SPATA7: variants seen among roughly 807,000 people sequenced by gnomAD.
The protein encoded by SPATA7 is spermatogenesis associated 7.
In SPATA7, 43 loss-of-function variants were observed where a neutral mutation model predicts 51.8. The observed-to-expected ratio is 0.83, with a 90% confidence interval of 0.65 to 1.07. The LOEUF is 1.07. Ranked by LOEUF, SPATA7 falls within the 50% of genes least tolerant of loss-of-function variation. SPATA7 has a pLI of 0.00. For missense variants in SPATA7, 683 were observed against 701.3 expected (o/e 0.97, Z 0.30); for synonymous variants, 230 against 252.8 (o/e 0.91, Z 0.86).
At chr14:88,468,331 C>T in intron 4 of SPATA7, 1 of 1,445,054 alleles carries the variant, frequency 6.9e-7, no homozygotes, top group Non-Finnish European at 9.3e-7. Context: ...GATGGGAGGA[C>T]ACGAGTGTCC....
rs910123180 is a variant in SPATA7, at chr14:88,416,724, A to G, written c.252A>G (p.Gln84=). The change falls in exon 5 of 12, where the codon CAA becomes CAG. Residue 84 remains glutamine (Q), a synonymous_variant. Transcript: ENST00000393545. ...TTTCCCTTTTAGATGCAGACCAACA[A>G]CGAAGAGAGAAACTCAAAAAGGAAT... The part of the protein sequence containing the change: ...VSTSIKYADQ[Q]RREKLKKELA... 2 of 1,613,326 alleles carry G rather than the reference A, an allele frequency of 1.2e-6. No homozygotes were observed. Among genetic ancestry groups the G allele is most frequent in the East Asian group, 2.2e-5 (1 of 44,768 alleles).
At chr14:88,433,075 T>C in intron 9 of SPATA7, 60 bp from the exon 10 acceptor site, 1 of 1,315,800 alleles carries the variant, frequency 7.6e-7, no homozygotes, top group Non-Finnish European at 1.1e-6. Context: ...TAATGTTTCT[T>C]ACAGTTTTCA....
rs776178227 is a variant in SPATA7, at chr14:88,437,874, G to A, written c.1252G>A (p.Asp418Asn). ...MRHLLHVLKV[D>N]LGCTSEENSV... ...CCACCTGCTGCATGTCCTGAAAGTA[G>A]ACTTAGGCTGCACATCGGAGGAAAA... Residue 418 changes from aspartate to asparagine, a missense_variant, in exon 12 of 12, where the codon GAC becomes AAC. Asp to Asn is a conservative substitution (Grantham distance 23). Coordinates refer to ENST00000393545, the MANE Select transcript of SPATA7 (RefSeq NM_018418.5). 1.9e-6 allele frequency: 3 copies of A among 1,608,000 alleles called. No individual in the cohort carries two copies. The African/African-American group carries it at 4.0e-5, about 22-fold the overall frequency.
intron 4 of SPATA7, among the ~76,000 whole-genome samples, chr14:88,463,290 C>G (rs1462098310): frequency 6.6e-6 from 1 of 152,200 alleles, no homozygotes. Context: ...CCACTTCAGA[C>G]AGTTTCATTA....
intron 4 of SPATA7, among the ~76,000 whole-genome samples, chr14:88,400,847 T>C (rs2076037326): frequency 6.6e-6 from 1 of 151,476 alleles, no homozygotes; most frequent in African/African-American, 2.4e-5. Flanking sequence ...AAAAATAAAA[T>C]TAAAAATTAA....
chr14:88,427,581 G>A (rs758207422), intron 6 of SPATA7, 49 bp from the exon 7 acceptor site: 7 of 1,297,742 alleles, frequency 5.4e-6, no homozygotes, highest in Admixed American at 3.7e-5. Flanking sequence ...TGTTACCACA[G>A]TGCTTATATT....
chr14:88,432,515 G>A (rs2076968509), intron 9 of SPATA7: 1 of 152,196 alleles, frequency 6.6e-6, no homozygotes, highest in Non-Finnish European at 1.5e-5. Context: ...ATAGAGAAGT[G>A]TGTTCAAGTA....
At chr14:88,425,245 T>C (rs557192955) in intron 5 of SPATA7, among the ~76,000 whole-genome samples, 2 of 152,298 alleles carry the variant, frequency 1.3e-5, no homozygotes, top group East Asian at 1.9e-4. Flanking sequence ...GTAGCAGTGA[T>C]AGAAGTTCTT....
intron 4 of SPATA7, among the ~76,000 whole-genome samples, chr14:88,464,990 C>CCCT (rs1424572894): frequency 1.3e-5 from 2 of 152,176 alleles, no homozygotes; most frequent in African/African-American, 4.8e-5. Context: ...ACACTCTCCT[C>CCCT]CCTCCTCCTC....
At chr14:88,391,283 G>T (rs894734489) in intron 1 of SPATA7, 98 bp from the exon 2 acceptor site, 3 of 1,035,206 alleles carry the variant, frequency 2.9e-6, no homozygotes, top group African/African-American at 3.2e-5. Flanking sequence ...AAATTATTTT[G>T]TGATAAATTT....
chr14:88,423,160 T>A (rs979896987), intron 5 of SPATA7, among the ~76,000 whole-genome samples: 1 of 152,150 alleles, frequency 6.6e-6, no homozygotes, highest in Non-Finnish European at 1.5e-5. Context: ...GCTCCCATAC[T>A]ACTCGTTTGC....
intron 4 of SPATA7, among the ~76,000 whole-genome samples, chr14:88,399,725 A>G (rs1251217741): frequency 6.6e-6 from 1 of 152,204 alleles, no homozygotes; most frequent in Non-Finnish European, 1.5e-5. Flanking sequence ...TGGCCTTAAA[A>G]TGATCTCTAG....
Position 88,427,706 on chromosome 14 carries a change from A to C in SPATA7, c.912+10A>C. On this transcript the variant is annotated intron_variant, in intron 7 of 11. Transcript: ENST00000393545. ...AATGAACATAAAGCAGGTAATAAGT[A>C]TGAAATCTTTTGGTATTGCTACATT... 1 of 1,594,178 alleles carries C rather than the reference A, an allele frequency of 6.3e-7. No homozygotes were observed. The highest frequency in any genetic ancestry group is 1.7e-4 in the Middle Eastern group (1 of 6,026).
At chr14:88,438,598 G>T, downstream of SPATA7, 1 of 668,698 alleles carries the variant, frequency 1.5e-6, no homozygotes, top group African/African-American at 1.8e-5. Context: ...TTGTGGATCA[G>T]GAGTGTAGGC....
rs184377579 is a variant in SPATA7 at position 88,419,628 on chromosome 14, G to C, written c.372+2784G>C. Among the ~76,000 whole-genome samples the C allele has an allele frequency of 2.5e-3, 375 of 150,900 alleles. 1 individual carries two copies. The highest frequency in any genetic ancestry group is 8.8e-3 in the African/African-American group (363 of 41,124). ...TGCAAGCTCTGCCTCCCGGGTTCAC[G>C]CCATTCTCCTGCCTCAGCCTCCGAG... On this transcript the variant is annotated intron_variant, in intron 5 of 11. Coordinates refer to ENST00000393545, the MANE Select transcript of SPATA7 (RefSeq NM_018418.5).
chr14:88,400,225 AAGTATTG>A (rs1417354310), intron 4 of SPATA7, among the ~76,000 whole-genome samples: 2 of 152,254 alleles, frequency 1.3e-5, no homozygotes, highest in East Asian at 3.8e-4. Flanking sequence ...ATTCTTGAAC[AAGTATTG>A]AGTCAAAGAA....
chr14:88,452,287 TC>T (rs2077256048), intron 3 of SPATA7, among the ~76,000 whole-genome samples: 1 of 152,190 alleles, frequency 6.6e-6, no homozygotes. Context: ...TTCAGGTCTT[TC>T]AGCCATGGAT....
At chr14:88,432,207 G>A (rs1414940904) in intron 9 of SPATA7, among the ~76,000 whole-genome samples, 1 of 151,892 alleles carries the variant, frequency 6.6e-6, no homozygotes, top group Non-Finnish European at 1.5e-5. Context: ...AGATTTTAAT[G>A]TTGTTTTAAT....
intron 4 of SPATA7, chr14:88,467,968 T>A: frequency 5.6e-6 from 5 of 889,870 alleles, no homozygotes; most frequent in Admixed American, 2.3e-5. Flanking sequence ...CTCTTCAGCC[T>A]GTGCTTCGCA....
Sources: gnomAD v4.1 joint callset for allele counts (sites outside exome capture counted in the v4.1 genomes callset) on GRCh38, gnomAD v4.1.1 for gene constraint, MANE v1.5 for transcripts, NCBI Gene and HGNC (gene_info 2026-07-23, HGNC 2026-07-21) for gene names.